CCDC91: variants seen among roughly 807,000 people sequenced by gnomAD.
The protein encoded by CCDC91 is coiled-coil domain containing 91, also known as coiled-coil domain-containing protein 91.
A neutral mutation model predicts 63.2 loss-of-function variants in CCDC91; 48 were observed. The observed-to-expected ratio is 0.76, with a 90% CI of 0.60 to 0.97. The LOEUF (loss-of-function observed/expected upper bound fraction) is 0.97. Among genes scored for constraint, CCDC91 ranks in the 50% least tolerant of loss-of-function variants. CCDC91 has a pLI of 0.00. For missense variants in CCDC91, 500 were observed against 494.6 expected (o/e 1.01, Z -0.10); for synonymous variants, 167 against 165.8 (o/e 1.01, Z -0.06).
intron 1 of CCDC91, among the ~76,000 whole-genome samples, chr12:28,210,423 A>C (rs915569445): frequency 4.6e-5 from 7 of 152,198 alleles, no homozygotes; most frequent in African/African-American, 1.7e-4. Context: ...CATTACACAC[A>C]CAACACATAT....
Position 28,549,181 on chromosome 12 carries a change from A to G in CCDC91, c.*8A>G, listed in dbSNP as rs1166560657. On this transcript the variant is annotated 3_prime_UTR_variant, in exon 13 of 13. Coordinates refer to ENST00000536442, the MANE Select transcript of CCDC91 (RefSeq NM_018318.5). ...CCAGTTGACATTGAATAAAAAGAAC[A>G]TGACAAACCCACACTGGCATTGGAT... 1.4e-6 allele frequency: 2 copies of G among 1,477,130 alleles called. No individual in the cohort carries two copies. The highest frequency in any genetic ancestry group is 2.8e-5 in the African/African-American group (2 of 72,128). The allele number at this position is 1,477,130 out of a possible 1,614,324, so 91.5% of individuals were successfully genotyped here. A position where few individuals can be genotyped will look rare whatever the true frequency, so the allele number is the denominator to read the frequency against.
At chr12:28,341,738 T>C (rs1397957102) in intron 6 of CCDC91, among the ~76,000 whole-genome samples, 2 of 152,162 alleles carry the variant, frequency 1.3e-5, no homozygotes, top group Non-Finnish European at 2.9e-5. Flanking sequence ...TACTTCCACA[T>C]GTTGAGAGAT....
At chr12:28,204,081 C>A (rs1380703103) in intron 1 of CCDC91, among the ~76,000 whole-genome samples, 1 of 152,012 alleles carries the variant, frequency 6.6e-6, no homozygotes, top group South Asian at 2.1e-4. Flanking sequence ...CTCCCTCTGT[C>A]CCTTTTTAAA....
intron 7 of CCDC91, among the ~76,000 whole-genome samples, chr12:28,381,383 T>C (rs1014918002): frequency 1.1e-4 from 17 of 151,782 alleles, no homozygotes; most frequent in African/African-American, 3.9e-4. Flanking sequence ...TATCAAAATA[T>C]CATTTTTTTT....
At chr12:28,503,199 A>G (rs1347690242) in intron 12 of CCDC91, among the ~76,000 whole-genome samples, 1 of 152,172 alleles carries the variant, frequency 6.6e-6, no homozygotes, top group Non-Finnish European at 1.5e-5. Context: ...CAAAGGGCTA[A>G]TATCCAGAAT....
chr12:28,482,970 A>G (rs1951526972), intron 11 of CCDC91, among the ~76,000 whole-genome samples: 1 of 151,986 alleles, frequency 6.6e-6, no homozygotes, highest in Non-Finnish European at 1.5e-5. Context: ...AATGTCCAAG[A>G]TATAAGTAAA....
intron 6 of CCDC91, among the ~76,000 whole-genome samples, chr12:28,322,185 C>G (rs1298126675): frequency 6.6e-6 from 1 of 151,764 alleles, no homozygotes; most frequent in African/African-American, 2.4e-5. Flanking sequence ...ATTATGTTAC[C>G]TACTCCATCT....
intron 3 of CCDC91, among the ~76,000 whole-genome samples, chr12:28,281,526 A>G (rs188527214): frequency 1.4e-3 from 218 of 152,322 alleles, no homozygotes; most frequent in Non-Finnish European, 1.2e-3. Context: ...TTAATCACAT[A>G]CAAAATACCT....
chr12:28,284,781 G>C (rs955450508), intron 3 of CCDC91, among the ~76,000 whole-genome samples: 1 of 152,092 alleles, frequency 6.6e-6, no homozygotes, highest in Non-Finnish European at 1.5e-5. Flanking sequence ...GACTGTATTC[G>C]TGGTCAACAG....
chr12:28,404,025 T>A (rs1342504735), intron 8 of CCDC91, among the ~76,000 whole-genome samples: 1 of 152,034 alleles, frequency 6.6e-6, no homozygotes, highest in Non-Finnish European at 1.5e-5. Flanking sequence ...TTCATTGATT[T>A]CTGCTTCTCT....
At chr12:28,244,684 A>G (rs1307434209) in intron 1 of CCDC91, among the ~76,000 whole-genome samples, 2 of 151,592 alleles carry the variant, frequency 1.3e-5, no homozygotes, top group East Asian at 3.9e-4. Flanking sequence ...TTAGGCAGTC[A>G]GTTGGAAAAC....
rs547309153 is a variant in CCDC91, at chr12:28,501,754, T to C, written c.1215+17589T>C. ...GTTAGGGAGGATTCCCTCTTTTCTA[T>C]TGATTGGAATAGTTTCAGAAGGAAT... is the stretch of plus-strand genomic sequence containing the variant. On this transcript the variant is annotated intron_variant, in intron 12 of 12. Transcript: ENST00000536442. Among the ~76,000 whole-genome samples, 13 of 152,052 alleles carry C rather than the reference T, an allele frequency of 8.5e-5. No individual in the cohort carries two copies. In the East Asian group the frequency reaches 1.2e-3, roughly 14 times the overall value.
intron 1 of CCDC91, among the ~76,000 whole-genome samples, chr12:28,227,547 C>T (rs963266961): frequency 6.6e-6 from 1 of 151,922 alleles, no homozygotes; most frequent in South Asian, 2.1e-4. Flanking sequence ...TGTCTAAGCC[C>T]AAACTAATTA....
chr12:28,309,072 T>C (rs1373057010), intron 6 of CCDC91, among the ~76,000 whole-genome samples: 2 of 152,010 alleles, frequency 1.3e-5, no homozygotes, highest in Non-Finnish European at 2.9e-5. Context: ...GGACATTCTT[T>C]GCCTGTTGGA....
At chr12:28,428,662 G>A (rs1445773159) in intron 8 of CCDC91, among the ~76,000 whole-genome samples, 4 of 150,058 alleles carry the variant, frequency 2.7e-5, no homozygotes, top group African/African-American at 4.9e-5. Flanking sequence ...GTAAGGCATC[G>A]TTTTTTAATT....
intron 12 of CCDC91, among the ~76,000 whole-genome samples, chr12:28,496,945 T>C (rs548675350): frequency 1.5e-3 from 184 of 126,884 alleles, no homozygotes; most frequent in African/African-American, 4.9e-3. Context: ...TATATATACA[T>C]ATATATATAT....
chr12:28,330,075 T>TA (rs1357025103), intron 6 of CCDC91, among the ~76,000 whole-genome samples: 3 of 152,196 alleles, frequency 2.0e-5, no homozygotes, highest in African/African-American at 7.2e-5. Flanking sequence ...GCAGTAAACA[T>TA]ACGTGTGCCT....
chr12:28,236,784 G>A (rs2135897959), intron 1 of CCDC91: 1 of 152,042 alleles, frequency 6.6e-6, no homozygotes, highest in South Asian at 2.1e-4. Flanking sequence ...TTCAAAGTTT[G>A]TTGAAAAAAT....
At chr12:28,310,305 C>T (rs949313270) in intron 6 of CCDC91, among the ~76,000 whole-genome samples, 2 of 151,984 alleles carry the variant, frequency 1.3e-5, no homozygotes, top group Non-Finnish European at 2.9e-5. Context: ...AGAGAGACTA[C>T]GTGAGACTTA....
Sources: allele counts gnomAD v4.1 joint callset (sites outside exome capture counted in the v4.1 genomes callset), GRCh38; gene constraint gnomAD v4.1.1; transcripts MANE v1.5; gene names NCBI Gene and HGNC (gene_info 2026-07-23, HGNC 2026-07-21).